Variants in STK33 observed in about 807,000 individuals in gnomAD.
STK33 encodes the protein serine/threonine kinase 33.
Under a neutral mutation model 58.0 loss-of-function variants are expected in STK33, and 52 were observed. That is an observed-to-expected ratio of 0.90 (90% CI 0.72 to 1.13). The LOEUF (loss-of-function observed/expected upper bound fraction) is 1.13, where lower values mean the gene tolerates loss of function less well. Among genes scored for constraint, STK33 ranks in the 50% most tolerant of loss-of-function variants. The pLI is 0.00. For synonymous variants in STK33, 215 were observed against 200.1 expected, an observed-to-expected ratio of 1.07 and a Z score of -0.63; for missense variants, 630 against 604.2, an observed-to-expected ratio of 1.04 and a Z score of -0.45.
At chr11:8,403,864 C>T (rs1362169442) in intron 15 of STK33, among the ~76,000 whole-genome samples, 1 of 152,196 alleles carries the variant, frequency 6.6e-6, no homozygotes, top group Non-Finnish European at 1.5e-5. Flanking sequence ...GGATGCAAAA[C>T]CTGTAAGCTC....
intron 4 of STK33, chr11:8,475,490 A>C (rs1949183260): frequency 6.6e-6 from 1 of 152,222 alleles, no homozygotes; most frequent in African/African-American, 2.4e-5. Flanking sequence ...TATGGTTTCA[A>C]ATTTTAAACC....
intron 1 of STK33, among the ~76,000 whole-genome samples, chr11:8,522,156 G>T (rs901716472): frequency 6.6e-6 from 1 of 152,148 alleles, no homozygotes; most frequent in African/African-American, 2.4e-5. Context: ...AAATCATGCT[G>T]CTATAAAGAC....
At chr11:8,340,024 T>A in the STK33 span, among the ~76,000 whole-genome samples, 90 of 152,374 alleles carry the variant, frequency 5.9e-4, no homozygotes, top group African/African-American at 2.0e-3. Context: ...CAGCACCTTG[T>A]TGAGCAGCTG....
chr11:8,338,493 G>A, the STK33 span, among the ~76,000 whole-genome samples: 3 of 152,144 alleles, frequency 2.0e-5, no homozygotes, highest in South Asian at 2.1e-4. Context: ...CGGCCAGGAC[G>A]GTGCCACATC....
chr11:8,563,890 G>A (rs1387999798), intron 1 of STK33, among the ~76,000 whole-genome samples: 1 of 152,144 alleles, frequency 6.6e-6, no homozygotes, highest in African/African-American at 2.4e-5. Context: ...AAGAAACCTG[G>A]CAGATTTGAG....
At chr11:8,395,787 G>A (rs1849228317) in intron 15 of STK33, among the ~76,000 whole-genome samples, 1 of 152,166 alleles carries the variant, frequency 6.6e-6, no homozygotes, top group African/African-American at 2.4e-5. Context: ...ACGTTCGTAA[G>A]TTTTTCTACA....
At chr11:8,509,809 T>G (rs1952164671) in intron 1 of STK33, among the ~76,000 whole-genome samples, 1 of 152,240 alleles carries the variant, frequency 6.6e-6, no homozygotes, top group Non-Finnish European at 1.5e-5. Flanking sequence ...GGCCTCTAGA[T>G]CCATCCAAGT....
chr11:8,590,732 G>T (rs1190429774), intron 1 of STK33, among the ~76,000 whole-genome samples: 1 of 152,056 alleles, frequency 6.6e-6, no homozygotes. Context: ...ATATATTAAA[G>T]CTTAAAAATA....
intron 14 of STK33, among the ~76,000 whole-genome samples, chr11:8,416,833 A>AT (rs1941200509): frequency 1.3e-5 from 2 of 152,266 alleles, no homozygotes; most frequent in Admixed American, 6.5e-5. Flanking sequence ...TTTGCCTCCT[A>AT]TACTCACTTG....
At chr11:8,338,682 C>T in the STK33 span, among the ~76,000 whole-genome samples, 1 of 152,184 alleles carries the variant, frequency 6.6e-6, no homozygotes, top group Non-Finnish European at 1.5e-5. Context: ...CAGTTACTCC[C>T]TGGGTGGCTT....
chr11:8,482,354 C>A (rs995124152), intron 1 of STK33, among the ~76,000 whole-genome samples: 6 of 152,076 alleles, frequency 3.9e-5, no homozygotes, highest in African/African-American at 1.4e-4. Context: ...AGTTAGGAGT[C>A]CAGCAAAGAG....
At position 8,430,496 on chromosome 11, in the gene STK33, C is replaced by CA. The variant is rs534698091; in HGVS notation, c.1146+4997dup. ...ACTAACACTAATGACAGCTGAAGAGCAAAAAAAAAGAAAAATAATAATAAT... is the reference window on the plus strand; with the variant it reads ...ACTAACACTAATGACAGCTGAAGAGCAAAAAAAAAAGAAAAATAATAATAAT... On this transcript the variant is annotated intron_variant, in intron 14 of 15. Transcript: ENST00000687296. Among the ~76,000 whole-genome samples the CA allele has an allele frequency of 5.2e-4, 77 of 147,698 alleles. No homozygotes were observed. The South Asian group carries it at 6.6e-3, about 13-fold the overall frequency.
chr11:8,373,875 C>T, the STK33 span, among the ~76,000 whole-genome samples: 3 of 152,186 alleles, frequency 2.0e-5, no homozygotes, highest in African/African-American at 7.2e-5. Flanking sequence ...GCTGCAGCTG[C>T]AGGGGGCCCA....
chr11:8,424,939 T>C (rs890235505), intron 14 of STK33, among the ~76,000 whole-genome samples: 2 of 135,698 alleles, frequency 1.5e-5, no homozygotes, highest in African/African-American at 5.8e-5. Flanking sequence ...GTAGGTTGCC[T>C]GTTCACTCTG....
chr11:8,490,540 C>T (rs528366552), intron 1 of STK33, among the ~76,000 whole-genome samples: 69 of 152,280 alleles, frequency 4.5e-4, no homozygotes, highest in African/African-American at 1.6e-3. Flanking sequence ...TAAACGTCCC[C>T]GTCTCACAGC....
chr11:8,385,237 C>A, the STK33 span, among the ~76,000 whole-genome samples: 2 of 152,188 alleles, frequency 1.3e-5, no homozygotes, highest in Non-Finnish European at 2.9e-5. Flanking sequence ...ACTTTTGTTC[C>A]ACTTTGCATA....
chr11:8,553,647 C>A (rs1956523972), intron 1 of STK33, among the ~76,000 whole-genome samples: 1 of 152,064 alleles, frequency 6.6e-6, no homozygotes, highest in Non-Finnish European at 1.5e-5. Flanking sequence ...GAAGCCCACA[C>A]ATTAATAGTC....
chr11:8,399,517 A>C (rs1018752926), intron 15 of STK33, among the ~76,000 whole-genome samples: 1 of 152,240 alleles, frequency 6.6e-6, no homozygotes, highest in Non-Finnish European at 1.5e-5. Context: ...AGAAAGCAGG[A>C]AAGATCTAAA....
At chr11:8,379,729 T>G in the STK33 span, among the ~76,000 whole-genome samples, 1 of 152,164 alleles carries the variant, frequency 6.6e-6, no homozygotes, top group Non-Finnish European at 1.5e-5. Context: ...ACTTCAATAT[T>G]AAGCCTAGTA....
Sources: gnomAD v4.1 joint callset for allele counts (sites outside exome capture counted in the v4.1 genomes callset) on GRCh38, gnomAD v4.1.1 for gene constraint, MANE v1.5 for transcripts, NCBI Gene and HGNC (gene_info 2026-07-23, HGNC 2026-07-21) for gene names.